Variants in LRMDA observed in about 807,000 individuals in gnomAD.
LRMDA encodes leucine rich melanocyte differentiation associated, also known as leucine-rich melanocyte differentiation-associated protein.
LRMDA carries 18 observed loss-of-function variants against 29.8 expected under a neutral mutation model. That is an observed-to-expected ratio of 0.60 (90% CI 0.42 to 0.90). LRMDA has a LOEUF of 0.90. Ranked by LOEUF, LRMDA falls within the 40% of genes least tolerant of loss-of-function variation. The probability of loss-of-function intolerance (pLI) is 0.00; values close to 1 mark genes in which losing one functional copy is unlikely to be tolerated. For synonymous variants in LRMDA, 125 were observed against 109.4 expected (o/e 1.14, Z -0.89); for missense variants, 273 against 273.9 (o/e 1.00, Z 0.02).
At chr10:75,975,744 C>T (rs907567360) in intron 2 of LRMDA, among the ~76,000 whole-genome samples, 6 of 152,192 alleles carry the variant, frequency 3.9e-5, no homozygotes, top group Admixed American at 1.3e-4. Context: ...GAAATCATGT[C>T]TGCTCAATAT....
intron 2 of LRMDA, among the ~76,000 whole-genome samples, chr10:76,025,572 C>T (rs1848049725): frequency 6.6e-6 from 1 of 152,056 alleles, no homozygotes; most frequent in South Asian, 2.1e-4. Flanking sequence ...TCCCCAGATG[C>T]ATGTGCTCAC....
intron 2 of LRMDA, among the ~76,000 whole-genome samples, chr10:75,947,194 G>A (rs544539702): frequency 2.0e-4 from 30 of 152,172 alleles, no homozygotes; most frequent in Non-Finnish European, 3.2e-4. Flanking sequence ...AGTTTTAACT[G>A]TATGAAATTG....
chr10:76,327,421 C>G (rs1840849667), intron 6 of LRMDA, among the ~76,000 whole-genome samples: 1 of 152,102 alleles, frequency 6.6e-6, no homozygotes, highest in Non-Finnish European at 1.5e-5. Context: ...GTGACACTGC[C>G]CATTCTTCAG....
chr10:75,721,927 C>T (rs1464812292), intron 2 of LRMDA, among the ~76,000 whole-genome samples: 2 of 152,070 alleles, frequency 1.3e-5, no homozygotes, highest in Non-Finnish European at 2.9e-5. Flanking sequence ...TTAAAGAAGA[C>T]GTGGTTATGA....
At chr10:76,326,715 G>A (rs984371701) in intron 6 of LRMDA, among the ~76,000 whole-genome samples, 1 of 152,026 alleles carries the variant, frequency 6.6e-6, no homozygotes, top group African/African-American at 2.4e-5. Context: ...CCCTTTACTT[G>A]TCCTTTTATG....
At chr10:76,522,526 C>T (rs542928499) in intron 6 of LRMDA, among the ~76,000 whole-genome samples, 2 of 152,262 alleles carry the variant, frequency 1.3e-5, no homozygotes, top group East Asian at 1.9e-4. Context: ...ATTGAGCTCT[C>T]GCAAGATGCA....
intron 6 of LRMDA, among the ~76,000 whole-genome samples, chr10:76,341,571 A>G (rs773032284): frequency 6.6e-6 from 1 of 152,202 alleles, no homozygotes; most frequent in Non-Finnish European, 1.5e-5. Context: ...TGAAAGAATG[A>G]CTTATTATAT....
chr10:75,479,768 A>G (rs1048594733), intron 2 of LRMDA, among the ~76,000 whole-genome samples: 66 of 129,676 alleles, frequency 5.1e-4, no homozygotes, highest in Non-Finnish European at 9.0e-4. Context: ...AGGCAGAGGG[A>G]ACACAACAGA....
chr10:76,457,355 T>C (rs143082416), intron 6 of LRMDA, among the ~76,000 whole-genome samples: 37 of 152,338 alleles, frequency 2.4e-4, no homozygotes, highest in African/African-American at 8.7e-4. Flanking sequence ...CAGTCATTCA[T>C]AGTCATGCAC....
At chr10:76,242,585 G>A (rs1852296601) in intron 5 of LRMDA, among the ~76,000 whole-genome samples, 1 of 151,998 alleles carries the variant, frequency 6.6e-6, no homozygotes, top group African/African-American at 2.4e-5. Context: ...TCTTCACATG[G>A]TGTTCTCCTC....
At chr10:76,172,222 G>A (rs1291822982) in intron 5 of LRMDA, among the ~76,000 whole-genome samples, 3 of 152,138 alleles carry the variant, frequency 2.0e-5, no homozygotes, top group African/African-American at 4.8e-5. Context: ...TCTCAACACT[G>A]CCACATTGGG....
At chr10:76,381,515 A>G (rs920571475) in intron 6 of LRMDA, among the ~76,000 whole-genome samples, 3 of 152,156 alleles carry the variant, frequency 2.0e-5, no homozygotes, top group African/African-American at 7.2e-5. Flanking sequence ...GCAATAATCC[A>G]TAAGAGTTTT....
chr10:75,727,769 A>G (rs977841976), intron 2 of LRMDA, among the ~76,000 whole-genome samples: 1 of 152,166 alleles, frequency 6.6e-6, no homozygotes, highest in Non-Finnish European at 1.5e-5. Flanking sequence ...TCTAGTGATG[A>G]TTTGAAGCTT....
chr10:75,508,985 A>G (rs17691239), intron 2 of LRMDA, among the ~76,000 whole-genome samples: 36,466 of 152,216 alleles, frequency 0.24, 4,529 homozygotes, highest in Non-Finnish European at 0.26. Context: ...AAGACATTAC[A>G]GATAACAAAG....
chr10:76,260,113 T>C (rs573715708), intron 5 of LRMDA, among the ~76,000 whole-genome samples: 1 of 152,292 alleles, frequency 6.6e-6, no homozygotes, highest in East Asian at 1.9e-4. Flanking sequence ...CTTACTCTTG[T>C]CATTTTATTC....
chr10:75,921,210 A>G (rs1175865044), intron 2 of LRMDA, among the ~76,000 whole-genome samples: 5 of 152,118 alleles, frequency 3.3e-5, no homozygotes, highest in Non-Finnish European at 4.4e-5. Flanking sequence ...CCTTCCTCAA[A>G]TAGGTTTATT....
At chr10:75,592,942 T>C (rs367747417) in intron 2 of LRMDA, among the ~76,000 whole-genome samples, 29 of 152,202 alleles carry the variant, frequency 1.9e-4, no homozygotes, top group East Asian at 1.5e-3. Flanking sequence ...TTTCCTCTCA[T>C]GGAGACTAGC....
chr10:76,085,214 A>G (rs1849115007), intron 5 of LRMDA, among the ~76,000 whole-genome samples: 1 of 152,222 alleles, frequency 6.6e-6, no homozygotes, highest in South Asian at 2.1e-4. Context: ...TGTCAGGCAT[A>G]TGGACAGGAA....
rs868626581 is a variant in LRMDA at position 75,719,087 on chromosome 10, A to G, written c.131+280593A>G. 2.6e-5 allele frequency among the ~76,000 whole-genome samples: 4 copies of G among 152,266 alleles called. No individual in the cohort carries two copies. The South Asian group carries it at 8.3e-4, about 32-fold the overall frequency. ...ATTTGGCATTAATTTCCCCAAAGAT[A>G]TAGTCCTACAGCAAACATTGCAAGA... On this transcript the variant is annotated intron_variant, in intron 2 of 6. Transcript: ENST00000611255.
Sources: allele counts gnomAD v4.1 joint callset (sites outside exome capture counted in the v4.1 genomes callset), GRCh38; gene constraint gnomAD v4.1.1; transcripts MANE v1.5; gene names NCBI Gene and HGNC (gene_info 2026-07-23, HGNC 2026-07-21).